SLC8A2: variants seen among roughly 807,000 people sequenced by gnomAD.
SLC8A2 encodes the protein sodium/calcium exchanger 2.
SLC8A2 carries 14 observed loss-of-function variants against 70.2 expected under a neutral mutation model. The observed-to-expected ratio is 0.20, with a 90% CI of 0.13 to 0.31. The LOEUF (loss-of-function observed/expected upper bound fraction) is 0.31, where lower values mean the gene tolerates loss of function less well. Among genes scored for constraint, SLC8A2 ranks in the 10% least tolerant of loss-of-function variants. SLC8A2 has a pLI of 1.00. For synonymous variants in SLC8A2, 575 were observed against 594.3 expected (o/e 0.97, Z 0.47); for missense variants, 779 against 1,320.1 (o/e 0.59, Z 6.35).
Position 47,457,560 on chromosome 19 carries a change from G to A in SLC8A2, c.710C>T (p.Pro237Leu). Residue 237 changes from proline (P) to leucine (L), a missense_variant, in exon 3 of 10, where the codon CCG becomes CTG. Physicochemically the swap from Pro to Leu is moderately conservative, Grantham distance 98 (BLOSUM62 -3). This residue lies in a region of SLC8A2 where 155 missense variants were observed against 318.6 expected (regional missense o/e 0.49). Coordinates refer to ENST00000236877, the MANE Select transcript of SLC8A2 (RefSeq NM_015063.3). The stretch of plus-strand genomic sequence containing the variant: ...CATCCAGGCGAATACCACGCACACC[G>A]GGAAGAAGACCAGGGTCAGCAGCGC... Reference protein sequence around the residue: ...WEALLTLVFFPVCVVFAWMAD... With the variant: ...WEALLTLVFFLVCVVFAWMAD... 2 of 1,589,406 alleles carry A rather than the reference G, an allele frequency of 1.3e-6. No individual in the cohort carries two copies. Among genetic ancestry groups the A allele is most frequent in the Non-Finnish European group, 1.7e-6 (2 of 1,167,882 alleles).
chr19:47,460,927 T>C (rs892927518), intron 2 of SLC8A2, among the ~76,000 whole-genome samples: 1 of 151,802 alleles, frequency 6.6e-6, no homozygotes, highest in African/African-American at 2.4e-5. Flanking sequence ...AAAAGAGTAT[T>C]TATGGGCCAG....
chr19:47,445,082 CTG>C (rs1255080825), intron 4 of SLC8A2, among the ~76,000 whole-genome samples: 2 of 122,994 alleles, frequency 1.6e-5, no homozygotes, highest in Non-Finnish European at 3.2e-5. Flanking sequence ...CAAAGCATCT[CTG>C]TCTCTGTGTC....
At position 47,448,259 on chromosome 19, in the gene SLC8A2, C is replaced by A; in HGVS notation, c.1341-28G>T. 3 of 1,556,564 alleles carry A rather than the reference C, an allele frequency of 1.9e-6. No homozygotes were observed. The highest frequency in any genetic ancestry group is 1.7e-6 in the Non-Finnish European group (2 of 1,145,812). On this transcript the variant is annotated intron_variant, in intron 3 of 9. Transcript: ENST00000236877. This position sits in a 1 kb window ranked among gnomAD's most constrained non-coding sequence, Gnocchi z 4.8. ...GCGGCGGGGTGGGGAGGGGGAAGAG[C>A]GGGGTGAGGGTCGGTCATCGGCTGT...
In SLC8A2 at chr19:47,468,347, A is replaced by T. The variant is rs1967490200; in HGVS notation, c.-16-1928T>A. On this transcript the variant is annotated intron_variant, in intron 1 of 9. Coordinates refer to ENST00000236877, the MANE Select transcript of SLC8A2 (RefSeq NM_015063.3). This position sits in a 1 kb window ranked among gnomAD's most constrained non-coding sequence, Gnocchi z 5.1. ...GATCTCACTCTGCCACCCAGGCTGA[A>T]GTGCAGTGGTGCCATCACATCTCAC... 6.6e-6 allele frequency among the ~76,000 whole-genome samples: 1 copy of T among 152,066 alleles called. No individual in the cohort carries two copies. The highest frequency in any genetic ancestry group is 1.5e-5 in the Non-Finnish European group (1 of 68,010).
At position 47,447,202 on chromosome 19, in the gene SLC8A2, A is replaced by C. The variant is rs1218111513; in HGVS notation, c.1763+607T>G. On this transcript the variant is annotated intron_variant, in intron 4 of 9. Coordinates refer to ENST00000236877, the MANE Select transcript of SLC8A2 (RefSeq NM_015063.3). This position sits in a 1 kb window ranked among gnomAD's most constrained non-coding sequence, Gnocchi z 5.1. ...TTCCGCAGCCCACATCCATTTTCCC[A>C]TTTCCTGATGTCGTATGTCCAAACC... Among the ~76,000 whole-genome samples, 2 of 136,592 alleles carry C rather than the reference A, an allele frequency of 1.5e-5. No homozygotes were observed. The highest frequency in any genetic ancestry group is 2.8e-5 in the African/African-American group (1 of 35,150). The allele number at this position is 136,592 out of a possible 152,430, so 89.6% of individuals were successfully genotyped here.
Position 47,457,245 on chromosome 19 carries a change from G to C in SLC8A2, c.1025C>G (p.Ala342Gly), listed in dbSNP as rs1188142794. ...GCGGCTCTTCTGCTGGTGCAGCAGC[G>C]CGTAGTAGTTGGCGATGCCCACCAG... is the stretch of plus-strand genomic sequence containing the variant. ...EQLVGIANYY[A>G]LLHQQKSRAF... Residue 342 changes from alanine (A) to glycine (G), a missense_variant, in exon 3 of 10, where the codon GCG becomes GGG. Transcript: ENST00000236877. 12 of 1,547,064 alleles carry C rather than the reference G, an allele frequency of 7.8e-6. No homozygotes were observed. The highest frequency in any genetic ancestry group is 2.8e-5 in the African/African-American group (2 of 72,420).
rs1235078186 is a variant in SLC8A2 at position 47,428,461 on chromosome 19, G to A, written c.*1628C>T. ...AGGCTGACGGATGGGGGCGTGGCTA[G>A]TGGAAGCTCATTACTGATGGGGGCG... On this transcript the variant is annotated 3_prime_UTR_variant, in exon 10 of 10. Transcript: ENST00000236877. 2 of 151,128 alleles carry A rather than the reference G, an allele frequency of 1.3e-5. No homozygotes were observed. The highest frequency in any genetic ancestry group is 2.9e-5 in the Non-Finnish European group (2 of 67,814). 9.4% of individuals were successfully genotyped at this position (151,128 alleles called of 1,614,324 possible).
intron 3 of SLC8A2, among the ~76,000 whole-genome samples, chr19:47,450,536 CG>C (rs1390814810): frequency 1.3e-5 from 2 of 150,668 alleles, no homozygotes; most frequent in Non-Finnish European, 3.0e-5. Context: ...AAGGTGGGGG[CG>C]GGGAGTCAGG....
chr19:47,441,825 C>T (rs372572613), intron 4 of SLC8A2, among the ~76,000 whole-genome samples: 7 of 152,084 alleles, frequency 4.6e-5, no homozygotes, highest in South Asian at 2.1e-4. Context: ...AAAAATAGGC[C>T]GGGCACGGTG....
intron 8 of SLC8A2, 97 bp downstream of exon 8, chr19:47,437,365 T>G: frequency 3.2e-6 from 3 of 930,968 alleles, no homozygotes; most frequent in Non-Finnish European, 5.2e-6. Context: ...GCCCGGCCTG[T>G]TTATCTTTGT....
chr19:47,446,749 A>G (rs1044288315), intron 4 of SLC8A2, among the ~76,000 whole-genome samples: 1 of 152,144 alleles, frequency 6.6e-6, no homozygotes, highest in African/African-American at 2.4e-5. Flanking sequence ...TATGTTGCCC[A>G]GGTTGCTCTC....
intron 8 of SLC8A2, among the ~76,000 whole-genome samples, chr19:47,433,888 C>T (rs1966994313): frequency 6.6e-6 from 1 of 152,158 alleles, no homozygotes; most frequent in Non-Finnish European, 1.5e-5. Flanking sequence ...AACTGATCTG[C>T]CCTCCTAGGC....
rs773845104 is a variant in SLC8A2, at chr19:47,430,487, G to T, written c.2390-22C>A. On this transcript the variant is annotated intron_variant, in intron 9 of 9. Coordinates refer to ENST00000236877, the MANE Select transcript of SLC8A2 (RefSeq NM_015063.3). The surrounding 1 kb of genome is among the most constrained non-coding windows in gnomAD (Gnocchi z 5.9). ...GTGTCTGCGAGGCAGAGACATACAGGTCGGAGGGGCTTTGCGCCGCCACCC... is the reference window on the plus strand; with the variant it reads ...GTGTCTGCGAGGCAGAGACATACAGTTCGGAGGGGCTTTGCGCCGCCACCC... 48 of 1,565,718 alleles carry T rather than the reference G, an allele frequency of 3.1e-5. No homozygotes were observed. The highest frequency in any genetic ancestry group is 3.6e-5 in the Admixed American group (2 of 56,042).
chr19:47,438,931 T>C (rs1008417907), intron 6 of SLC8A2, among the ~76,000 whole-genome samples: 10 of 152,130 alleles, frequency 6.6e-5, no homozygotes, highest in African/African-American at 2.2e-4. Context: ...TGAAGTGTGT[T>C]CACCTGAACC....
Position 47,466,363 on chromosome 19 carries a change from G to A in SLC8A2, c.41C>T (p.Ala14Val), listed in dbSNP as rs1056315157. 27 of 1,442,188 alleles carry A rather than the reference G, an allele frequency of 1.9e-5. No individual in the cohort carries two copies. Among genetic ancestry groups the A allele is most frequent in the East Asian group, 1.5e-4 (6 of 40,136 alleles). The allele number at this position is 1,442,188 out of a possible 1,614,324, so 89.3% of individuals were successfully genotyped here. Residue 14 changes from alanine to valine, a missense_variant, in exon 2 of 10, where the codon GCG (alanine) becomes GTG (valine). Around this residue, in one of 6 missense-constraint regions of SLC8A2, gnomAD observed 65 missense variants for 61.3 expected, o/e 1.06. Transcript: ENST00000236877. This position sits in a 1 kb window ranked among gnomAD's most constrained non-coding sequence, Gnocchi z 6.9. ...GGCTGCCCCGGAGCATGGGGGAGCC[G>A]CCAGGAGGAGTGTGACCCCCACCAA... The part of the protein sequence containing the change: ...LALVGVTLLL[A>V]APPCSGAATP...
At chr19:47,459,548 G>C (rs913977076) in intron 2 of SLC8A2, among the ~76,000 whole-genome samples, 1 of 151,860 alleles carries the variant, frequency 6.6e-6, no homozygotes, top group African/African-American at 2.4e-5. Flanking sequence ...GCGCATGTGT[G>C]AGCGTATGTG....
chr19:47,439,464 T>G (rs1048616898), intron 6 of SLC8A2, among the ~76,000 whole-genome samples: 2 of 151,252 alleles, frequency 1.3e-5, no homozygotes, highest in South Asian at 4.2e-4. Context: ...CCCCGGGGGG[T>G]GGAGGTTGCC....
chr19:47,444,199 T>C (rs1255818154), intron 4 of SLC8A2, among the ~76,000 whole-genome samples: 2 of 152,156 alleles, frequency 1.3e-5, no homozygotes, highest in Non-Finnish European at 2.9e-5. Flanking sequence ...TGGCCCGCCC[T>C]TCTTTATCTG....
Position 47,428,113 on chromosome 19 carries a change from A to G in SLC8A2, c.*1976T>C, listed in dbSNP as rs1599840425. 1 of 152,364 alleles carries G rather than the reference A, an allele frequency of 6.6e-6. No homozygotes were observed. Among genetic ancestry groups the G allele is most frequent in the African/African-American group, 2.4e-5 (1 of 41,560 alleles). The allele number at this position is 152,364 out of a possible 1,614,324, so 9.4% of individuals were successfully genotyped here. On this transcript the variant is annotated 3_prime_UTR_variant, in exon 10 of 10. Transcript: ENST00000236877. ...AACGTCTCTCTTTTGTGTTCCCAGGATGCCCATAAAGAGAAACAGTTTGTG... is the reference window on the plus strand; with the variant it reads ...AACGTCTCTCTTTTGTGTTCCCAGGGTGCCCATAAAGAGAAACAGTTTGTG...
Sources: allele counts gnomAD v4.1 joint callset (sites outside exome capture counted in the v4.1 genomes callset), GRCh38; gene constraint gnomAD v4.1.1; regional missense constraint gnomAD v4.1.1; non-coding constraint Gnocchi (gnomAD v3.1); transcripts MANE v1.5; gene names NCBI Gene and HGNC (gene_info 2026-07-23, HGNC 2026-07-21).